The following C8orf34 variants were observed in gnomAD, a reference collection of about 807,000 sequenced individuals.
C8orf34 encodes the protein uncharacterized protein C8orf34.
In C8orf34, 65 loss-of-function variants were observed where a neutral mutation model predicts 68.3. The observed-to-expected ratio is 0.95, with a 90% CI of 0.78 to 1.17. The LOEUF (loss-of-function observed/expected upper bound fraction) is 1.17. Ranked by LOEUF, C8orf34 falls within the 50% of genes most tolerant of loss-of-function variation. C8orf34 has a pLI of 0.00. For synonymous variants in C8orf34, 244 were observed against 241.2 expected (o/e 1.01, Z -0.11); for missense variants, 664 against 655.4 (o/e 1.01, Z -0.14).
chr8:68,468,734 A>G lies in C8orf34; in HGVS notation c.650A>G (p.Lys217Arg). The G allele has an allele frequency of 6.2e-7, 1 of 1,612,944 alleles. No homozygotes were observed. Among genetic ancestry groups the G allele is most frequent in the Non-Finnish European group, 8.5e-7 (1 of 1,179,302 alleles). The part of the protein sequence containing the change: ...VEHPKWNWRT[K>R]PQSRDFDELN... Reference sequence around the variant, plus strand: ...CATCCAAAGTGGAACTGGAGGACTAAACCACAAAGCCGTGATTTTGATGAA... The same window carrying G: ...CATCCAAAGTGGAACTGGAGGACTAGACCACAAAGCCGTGATTTTGATGAA... Residue 217 changes from lysine (K) to arginine (R), a missense_variant, in exon 4 of 14, where the codon AAA (lysine) becomes AGA (arginine). Lys to Arg is a conservative substitution (Grantham distance 26, BLOSUM62 2). Transcript: ENST00000518698.
intron 7 of C8orf34, among the ~76,000 whole-genome samples, chr8:68,603,964 G>T (rs1817780437): frequency 6.6e-6 from 1 of 152,034 alleles, no homozygotes; most frequent in South Asian, 2.1e-4. Context: ...AAATTAGAAG[G>T]CAGAAAGTGA....
At chr8:68,521,697 A>G in intron 5 of C8orf34, 102 bp from the exon 6 acceptor site, 1 of 1,024,372 alleles carries the variant, frequency 9.8e-7, no homozygotes, top group Non-Finnish European at 1.4e-6. Context: ...TCAGAAAGAC[A>G]AAAAGCATTT....
chr8:68,435,823 T>C (rs948014031), intron 1 of C8orf34, among the ~76,000 whole-genome samples: 1 of 152,190 alleles, frequency 6.6e-6, no homozygotes, highest in Non-Finnish European at 1.5e-5. Context: ...TCTTATTTAA[T>C]CTCCATGGCA....
intron 1 of C8orf34, among the ~76,000 whole-genome samples, chr8:68,422,622 A>G (rs1810029047): frequency 6.6e-6 from 1 of 152,138 alleles, no homozygotes; most frequent in Non-Finnish European, 1.5e-5. Flanking sequence ...TGGTGGATCT[A>G]CCATTCTGGG....
chr8:68,486,962 G>C (rs1813105661), intron 4 of C8orf34, among the ~76,000 whole-genome samples: 2 of 152,164 alleles, frequency 1.3e-5, no homozygotes, highest in Admixed American at 1.3e-4. Context: ...GAATGTGAGA[G>C]CTGGCCACAC....
intron 10 of C8orf34, among the ~76,000 whole-genome samples, chr8:68,739,355 G>A (rs1822215340): frequency 6.6e-6 from 1 of 151,636 alleles, no homozygotes; most frequent in Non-Finnish European, 1.5e-5. Context: ...GATAAAAGCT[G>A]GAAGAGCTCC....
chr8:68,662,419 A>G (rs1819707362), intron 8 of C8orf34, among the ~76,000 whole-genome samples: 1 of 152,182 alleles, frequency 6.6e-6, no homozygotes, highest in Admixed American at 6.5e-5. Context: ...ACCTTGAGTT[A>G]TAATAATCCC....
intron 5 of C8orf34, among the ~76,000 whole-genome samples, chr8:68,507,938 C>A (rs2129633088): frequency 6.6e-6 from 1 of 152,188 alleles, no homozygotes; most frequent in East Asian, 1.9e-4. Flanking sequence ...TGAATAGGCA[C>A]CATTTCAATT....
chr8:68,605,780 A>C (rs753860306), intron 7 of C8orf34, among the ~76,000 whole-genome samples: 2 of 152,140 alleles, frequency 1.3e-5, no homozygotes, highest in Non-Finnish European at 2.9e-5. Flanking sequence ...ATTCTGTTCA[A>C]TACTGTAATA....
chr8:68,638,699 T>C (rs536211508), intron 7 of C8orf34, among the ~76,000 whole-genome samples: 1 of 152,150 alleles, frequency 6.6e-6, no homozygotes, highest in East Asian at 1.9e-4. Context: ...GTTAACAAAC[T>C]GGACAAGTTT....
At chr8:68,509,943 A>C (rs898377421) in intron 5 of C8orf34, among the ~76,000 whole-genome samples, 16 of 152,150 alleles carry the variant, frequency 1.1e-4, no homozygotes, top group African/African-American at 3.9e-4. Context: ...CGGTAGGCTC[A>C]AATTTCCTAG....
At chr8:68,547,985 T>C (rs1400952417) in intron 7 of C8orf34, among the ~76,000 whole-genome samples, 1 of 151,722 alleles carries the variant, frequency 6.6e-6, no homozygotes, top group Admixed American at 6.6e-5. Flanking sequence ...GCTGGAACAA[T>C]TGAATAAATG....
intron 8 of C8orf34, among the ~76,000 whole-genome samples, chr8:68,648,545 C>T (rs1819247201): frequency 6.6e-6 from 1 of 152,172 alleles, no homozygotes; most frequent in Non-Finnish European, 1.5e-5. Context: ...TTTGCGTGGA[C>T]TCATGCCAGG....
At chr8:68,590,633 A>C (rs1817359136) in intron 7 of C8orf34, among the ~76,000 whole-genome samples, 1 of 152,204 alleles carries the variant, frequency 6.6e-6, no homozygotes, top group South Asian at 2.1e-4. Context: ...AAATCGTTGA[A>C]GTTCTTAAAA....
chr8:68,386,432 T>C (rs1196140454), intron 1 of C8orf34, among the ~76,000 whole-genome samples: 1 of 152,210 alleles, frequency 6.6e-6, no homozygotes, highest in Non-Finnish European at 1.5e-5. Flanking sequence ...ATATTTCAAA[T>C]ATATGAAAGG....
intron 9 of C8orf34, among the ~76,000 whole-genome samples, chr8:68,717,343 G>A (rs1299411395): frequency 2.6e-5 from 4 of 152,012 alleles, no homozygotes; most frequent in Non-Finnish European, 5.9e-5. Context: ...GGCGGGGCCC[G>A]GGTTCGACCT....
At chr8:68,747,460 C>T (rs1245016728) in intron 10 of C8orf34, among the ~76,000 whole-genome samples, 5,506 of 118,956 alleles carry the variant, frequency 0.046, 192 homozygotes, top group Middle Eastern at 0.11. Flanking sequence ...TGTTTGTAGA[C>T]GACATGATTG....
intron 5 of C8orf34, among the ~76,000 whole-genome samples, chr8:68,513,589 A>G (rs1814373721): frequency 6.8e-6 from 1 of 146,024 alleles, no homozygotes; most frequent in Non-Finnish European, 1.5e-5. Context: ...AATAAAAGTT[A>G]ACTGCTGACG....
chr8:68,332,396 C>T (rs988189064), intron 1 of C8orf34, among the ~76,000 whole-genome samples: 1 of 150,308 alleles, frequency 6.7e-6, no homozygotes, highest in East Asian at 2.0e-4. Flanking sequence ...CCGCCCCCCA[C>T]GTCTCCCAGA....
Sources: allele counts gnomAD v4.1 joint callset (sites outside exome capture counted in the v4.1 genomes callset), GRCh38; gene constraint gnomAD v4.1.1; transcripts MANE v1.5; gene names NCBI Gene and HGNC (gene_info 2026-07-23, HGNC 2026-07-21).